Variants in KAT14 observed in about 807,000 individuals in gnomAD.
The protein encoded by KAT14 is cysteine-rich protein 2-binding protein.
A neutral mutation model predicts 78.4 loss-of-function variants in KAT14; 66 were observed. The ratio of observed to expected loss-of-function variants is 0.84; its 90% CI spans 0.69 to 1.03. The LOEUF (loss-of-function observed/expected upper bound fraction) is 1.03, where lower values mean the gene tolerates loss of function less well. KAT14 is among the 50% of genes least tolerant of loss of function. KAT14 has a pLI of 0.00. For synonymous variants in KAT14, 344 were observed against 359.4 expected, an observed-to-expected ratio of 0.96 and a Z score of 0.48; for missense variants, 870 against 972.5, an observed-to-expected ratio of 0.89 and a Z score of 1.40.
At chr20:18,161,442 A>T (rs1034439557) in intron 5 of KAT14, among the ~76,000 whole-genome samples, 1 of 152,070 alleles carries the variant, frequency 6.6e-6, no homozygotes, top group Admixed American at 6.5e-5. Context: ...TTCTCAAGAG[A>T]TATCTAAGTC....
At chr20:18,158,693 A>G (rs571707019) in intron 4 of KAT14, among the ~76,000 whole-genome samples, 1 of 152,328 alleles carries the variant, frequency 6.6e-6, no homozygotes, top group South Asian at 2.1e-4. Flanking sequence ...CACTTTTTGT[A>G]TGCTTTATTC....
chr20:18,142,892 G>A lies in KAT14; in HGVS notation c.232G>A (p.Asp78Asn). The A allele has an allele frequency of 6.2e-7, 1 of 1,614,116 alleles. No homozygotes were observed. The highest frequency in any genetic ancestry group is 8.5e-7 in the Non-Finnish European group (1 of 1,179,974). Reference sequence around the variant, plus strand: ...GGAGGAGCAGCTGTCCTACTTCTGTGACAAGTGCCAAAAATGGATACCAGC... The same window carrying A: ...GGAGGAGCAGCTGTCCTACTTCTGTAACAAGTGCCAAAAATGGATACCAGC... ...WMEEQLSYFC[D>N]KCQKWIPASQ... Residue 78 changes from aspartate to asparagine, a missense_variant, in exon 2 of 11, where the codon GAC (aspartate) becomes AAC (asparagine). Physicochemically the swap from Asp to Asn is conservative, Grantham distance 23. Coordinates refer to ENST00000688188, the MANE Select transcript of KAT14 (RefSeq NM_001392073.1).
Position 18,173,887 on chromosome 20 carries a change from C to T in KAT14, c.1669-7823C>T, listed in dbSNP as rs541626022. 7.2e-5 allele frequency among the ~76,000 whole-genome samples: 11 copies of T among 152,282 alleles called. No homozygotes were observed. In the East Asian group the frequency reaches 9.6e-4, roughly 13 times the overall value. On this transcript the variant is annotated intron_variant, in intron 7 of 10. Coordinates refer to ENST00000688188, the MANE Select transcript of KAT14 (RefSeq NM_001392073.1). Reference sequence around the variant, plus strand: ...TCACCTATTTAAAGTGTACAGTTGACGGGTTCCTAATATATTCACAAAGTT... The same window carrying T: ...TCACCTATTTAAAGTGTACAGTTGATGGGTTCCTAATATATTCACAAAGTT...
At chr20:18,170,158 T>A (rs2146470972) in intron 7 of KAT14, among the ~76,000 whole-genome samples, 1 of 152,356 alleles carries the variant, frequency 6.6e-6, no homozygotes, top group East Asian at 1.9e-4. Context: ...CAGCAACACG[T>A]TATCTAGAAG....
chr20:18,141,299 G>A (rs2037567152), intron 1 of KAT14, among the ~76,000 whole-genome samples: 1 of 151,844 alleles, frequency 6.6e-6, no homozygotes, highest in African/African-American at 2.4e-5. Flanking sequence ...GAAGTGCTGT[G>A]GTTTTTTAGT....
intron 2 of KAT14, among the ~76,000 whole-genome samples, chr20:18,143,627 A>T (rs28665991): frequency 0.39 from 45,025 of 114,398 alleles, 9,226 homozygotes; most frequent in Non-Finnish European, 0.43. Context: ...TTTTTTTTTT[A>T]TTTTATTTTT....
intron 7 of KAT14, among the ~76,000 whole-genome samples, chr20:18,174,027 T>C (rs1180489019): frequency 6.6e-6 from 1 of 152,238 alleles, no homozygotes; most frequent in Non-Finnish European, 1.5e-5. Context: ...TTTCTGCCTC[T>C]GTAGATTTAT....
chr20:18,137,842 G>A (rs571853729), upstream of KAT14: 47 of 1,114,768 alleles, frequency 4.2e-5, no homozygotes, highest in South Asian at 8.9e-4. Context: ...GCGACGGCTG[G>A]GGCTCTGCGC....
intron 7 of KAT14, among the ~76,000 whole-genome samples, chr20:18,180,431 C>T (rs1479064009): frequency 6.6e-6 from 1 of 152,200 alleles, no homozygotes; most frequent in Non-Finnish European, 1.5e-5. Flanking sequence ...CTAGGAAGTT[C>T]CAAACTTTCC....
At chr20:18,141,023 ATT>A (rs67633205) in intron 1 of KAT14, among the ~76,000 whole-genome samples, 6 of 48,744 alleles carry the variant, frequency 1.2e-4, no homozygotes, top group South Asian at 9.6e-4. Context: ...ACTCCCTGCA[ATT>A]TTTTTTTTTT....
At chr20:18,150,715 C>T (rs1336577902) in intron 3 of KAT14, 106 bp from the exon 4 acceptor site, 4 of 1,538,366 alleles carry the variant, frequency 2.6e-6, no homozygotes, top group Admixed American at 3.9e-5. Context: ...CGCTCTGTTC[C>T]CCACCATTCC....
At chr20:18,145,184 A>G (rs1384838618) in intron 2 of KAT14, 49 bp from the exon 3 acceptor site, 1 of 1,596,030 alleles carries the variant, frequency 6.3e-7, no homozygotes, top group Admixed American at 1.8e-5. Flanking sequence ...CCTTTAGGTT[A>G]CCGCTGCTCT....
chr20:18,175,668 C>T (rs780244826), intron 7 of KAT14, among the ~76,000 whole-genome samples: 7 of 152,058 alleles, frequency 4.6e-5, no homozygotes, highest in Middle Eastern at 3.4e-3. Context: ...ACTTATTTGA[C>T]CTTGGGATGC....
chr20:18,184,670 A>G lies in KAT14; in HGVS notation c.2050A>G (p.Ile684Val). The change falls in exon 10 of 11, where the codon ATT (isoleucine) becomes GTT (valine). Residue 684 changes from isoleucine to valine, a missense_variant. Ile to Val is a conservative substitution (Grantham distance 29, BLOSUM62 3). Coordinates refer to ENST00000688188, the MANE Select transcript of KAT14 (RefSeq NM_001392073.1). ...SVVVLYKKVI[I>V]AFGFMVPDVK... The stretch of plus-strand genomic sequence containing the variant: ...TGTTGTTCTTTATAAAAAAGTCATC[A>G]TTGCCTTTGGCTTCATGGTTCCTGA... 3 of 1,613,988 alleles carry G rather than the reference A, an allele frequency of 1.9e-6. No individual in the cohort carries two copies. Among genetic ancestry groups the G allele is most frequent in the South Asian group, 1.1e-5 (1 of 91,058 alleles).
chr20:18,162,786 G>A lies in KAT14; in HGVS notation c.1509G>A (p.Arg503=), dbSNP rs1293424839. The change falls in exon 7 of 11, where the codon AGG becomes AGA. Residue 503 remains arginine, a synonymous_variant. Transcript: ENST00000688188. ...KLIVRQAKRD[R]GLPLFDLDQV... Reference sequence around the variant, plus strand: ...TTGTCAGACAAGCGAAAAGGGATAGGGGATTACCACTTTTTGACTTGGATC... The same window carrying A: ...TTGTCAGACAAGCGAAAAGGGATAGAGGATTACCACTTTTTGACTTGGATC... 1.2e-6 allele frequency: 2 copies of A among 1,614,034 alleles called. No homozygotes were observed. The highest frequency in any genetic ancestry group is 3.3e-5 in the Admixed American group (2 of 60,000).
rs567897455 is a variant in KAT14, at chr20:18,155,750, G to A, written c.501-3334G>A. On this transcript the variant is annotated intron_variant, in intron 4 of 10. Transcript: ENST00000688188. ...AAGAAACAAAACAACAACTGTGGGC[G>A]AGAATGTGGAGAAATGGGAACCCTT... 8.5e-5 allele frequency among the ~76,000 whole-genome samples: 13 copies of A among 152,278 alleles called. No individual in the cohort carries two copies. The South Asian group carries it at 2.3e-3, about 27-fold the overall frequency.
chr20:18,177,501 G>C (rs2039090034), intron 7 of KAT14, among the ~76,000 whole-genome samples: 1 of 152,148 alleles, frequency 6.6e-6, no homozygotes. Context: ...TGGAGGAATT[G>C]TTAGTGGCTG....
chr20:18,137,798 G>C (rs2037347198), upstream of KAT14: 9 of 731,384 alleles, frequency 1.2e-5, no homozygotes, highest in Non-Finnish European at 1.8e-5. Flanking sequence ...CTCGGCTCTC[G>C]ATTGCTCACG....
chr20:18,138,083 C>A, intron 1 of KAT14, 32 bp downstream of exon 1: 1 of 1,437,224 alleles, frequency 7.0e-7, no homozygotes, highest in Non-Finnish European at 9.1e-7. Context: ...CTTCCGGGCC[C>A]GCGCGCGCGG....
Sources: gnomAD v4.1 joint callset for allele counts (sites outside exome capture counted in the v4.1 genomes callset) on GRCh38, gnomAD v4.1.1 for gene constraint, MANE v1.5 for transcripts, NCBI Gene and HGNC (gene_info 2026-07-23, HGNC 2026-07-21) for gene names.